The following PPCDC variants were observed in gnomAD, a reference collection of about 807,000 sequenced individuals.
PPCDC encodes phosphopantothenoylcysteine decarboxylase.
A neutral mutation model predicts 20.7 loss-of-function variants in PPCDC; 20 were observed. That is an observed-to-expected ratio of 0.97 (90% CI 0.68 to 1.41). The LOEUF (loss-of-function observed/expected upper bound fraction) is 1.41, where lower values mean the gene tolerates loss of function less well. PPCDC is among the 40% of genes most tolerant of loss of function. PPCDC has a pLI of 0.00. For synonymous variants in PPCDC, 88 were observed against 100.3 expected (o/e 0.88, Z 0.73); for missense variants, 246 against 263.8 (o/e 0.93, Z 0.47).
Position 75,030,578 on chromosome 15 carries a change from G to T in PPCDC, c.135+2125G>T, listed in dbSNP as rs187924355. Among the ~76,000 whole-genome samples the T allele has an allele frequency of 2.2e-4, 33 of 152,292 alleles. No homozygotes were observed. In the East Asian group the frequency reaches 5.0e-3, roughly 23 times the overall value. ...CCTGGATTGCCTTGTGTTGGCCCCA[G>T]TGGTGGCGTCTATCCCTGCACACTC... On this transcript the variant is annotated intron_variant, in intron 2 of 5. Coordinates refer to ENST00000342932, the MANE Select transcript of PPCDC (RefSeq NM_021823.5).
At chr15:75,035,079 A>C (rs537950141) in intron 2 of PPCDC, among the ~76,000 whole-genome samples, 1 of 152,256 alleles carries the variant, frequency 6.6e-6, no homozygotes, top group South Asian at 2.1e-4. Flanking sequence ...GTCACACCTC[A>C]GATGCTCAGT....
chr15:75,029,540 T>A (rs2065996632), intron 2 of PPCDC, among the ~76,000 whole-genome samples: 1 of 152,080 alleles, frequency 6.6e-6, no homozygotes, highest in African/African-American at 2.4e-5. Flanking sequence ...TTTTTTACTT[T>A]CCACCAACTT....
intron 2 of PPCDC, among the ~76,000 whole-genome samples, chr15:75,030,695 C>G (rs933807633): frequency 2.0e-5 from 3 of 152,208 alleles, no homozygotes; most frequent in Non-Finnish European, 2.9e-5. Context: ...TCACTTTCAG[C>G]TCTTCACCTG....
At chr15:75,044,612 C>A in intron 4 of PPCDC, 98 bp downstream of exon 4, 2 of 1,464,840 alleles carry the variant, frequency 1.4e-6, no homozygotes, top group Non-Finnish European at 1.8e-6. Context: ...TGCTGTGGGG[C>A]CCCGGTCTGC....
intron 1 of PPCDC, among the ~76,000 whole-genome samples, chr15:75,025,831 A>G (rs2065953431): frequency 6.6e-6 from 1 of 152,256 alleles, no homozygotes; most frequent in African/African-American, 2.4e-5. Context: ...GAATCCTGCC[A>G]GCCATCACCC....
chr15:75,049,105 C>T (rs1421309011), intron 5 of PPCDC, 45 bp from the exon 6 acceptor site: 6 of 1,543,902 alleles, frequency 3.9e-6, no homozygotes, highest in East Asian at 2.2e-5. Flanking sequence ...TGCAGGGCTA[C>T]AGGCACTGTT....
At chr15:75,032,734 C>CCCCT (rs1555413326) in intron 2 of PPCDC, among the ~76,000 whole-genome samples, 1 of 110,670 alleles carries the variant, frequency 9.0e-6, no homozygotes, top group Non-Finnish European at 1.7e-5. Context: ...ACCCCCCCCC[C>CCCCT]CAAGGCCAAA....
At chr15:75,026,797 T>C (rs1411196991) in intron 1 of PPCDC, among the ~76,000 whole-genome samples, 1 of 152,172 alleles carries the variant, frequency 6.6e-6, no homozygotes, top group Admixed American at 6.5e-5. Context: ...CTTTCATGTA[T>C]TGACTCAAAG....
In PPCDC at chr15:75,037,318, A is replaced by G. The variant is rs188237631; in HGVS notation, c.136-6123A>G. On this transcript the variant is annotated intron_variant, in intron 2 of 5. Coordinates refer to ENST00000342932, the MANE Select transcript of PPCDC (RefSeq NM_021823.5). ...CAGAGATGAAGGAAGAATGTGGTCCAGAGCCCCCCAGGGTGAGCTGAAGCT... is the reference window on the plus strand; with the variant it reads ...CAGAGATGAAGGAAGAATGTGGTCCGGAGCCCCCCAGGGTGAGCTGAAGCT... Among the ~76,000 whole-genome samples, 4 of 152,344 alleles carry G rather than the reference A, an allele frequency of 2.6e-5. No homozygotes were observed. The East Asian group carries it at 7.7e-4, about 29-fold the overall frequency.
intron 2 of PPCDC, among the ~76,000 whole-genome samples, chr15:75,032,202 C>T (rs546654483): frequency 1.3e-5 from 2 of 152,288 alleles, no homozygotes; most frequent in African/African-American, 4.8e-5. Flanking sequence ...ATCGCCCTAG[C>T]TTTTGCCAGG....
chr15:75,034,167 C>T (rs1595902546), intron 2 of PPCDC, among the ~76,000 whole-genome samples: 1 of 152,234 alleles, frequency 6.6e-6, no homozygotes, highest in African/African-American at 2.4e-5. Flanking sequence ...CACGGCCTTC[C>T]AGGGAGTGAG....
Position 75,029,853 on chromosome 15 carries a change from G to T in PPCDC, c.135+1400G>T, listed in dbSNP as rs370420978. ...ATAGCCCCAGGGCAAGTGAGTTTCC[G>T]GACTAGGGGTGGATAGGGGCGGGGA... On this transcript the variant is annotated intron_variant, in intron 2 of 5. Coordinates refer to ENST00000342932, the MANE Select transcript of PPCDC (RefSeq NM_021823.5). Among the ~76,000 whole-genome samples the T allele has an allele frequency of 2.6e-5, 4 of 152,292 alleles. No individual in the cohort carries two copies. In the East Asian group the frequency reaches 7.7e-4, roughly 29 times the overall value.
chr15:75,048,999 G>A (rs2066278189), intron 5 of PPCDC, 151 bp from the exon 6 acceptor site: 4 of 813,386 alleles, frequency 4.9e-6, no homozygotes, highest in Non-Finnish European at 7.9e-6. Flanking sequence ...CAGGGGTCTT[G>A]GGAGAGATCT....
rs535445827 is a variant in PPCDC, at chr15:75,050,694, T to G, written c.*1459T>G. The G allele has an allele frequency of 2.0e-5, 3 of 152,328 alleles. No individual in the cohort carries two copies. The South Asian group carries it at 6.2e-4, about 32-fold the overall frequency. The allele number at this position is 152,328 out of a possible 1,614,324, so 9.4% of individuals were successfully genotyped here. A position where few individuals can be genotyped will look rare whatever the true frequency, so the allele number is the denominator to read the frequency against. ...GTGACCCTTTGGGATAAAATTGCCT[T>G]AGGGTATGAAATAAACTATAACTAA... is the stretch of plus-strand genomic sequence containing the variant. On this transcript the variant is annotated 3_prime_UTR_variant, in exon 6 of 6. Coordinates refer to ENST00000342932, the MANE Select transcript of PPCDC (RefSeq NM_021823.5).
intron 1 of PPCDC, 177 bp from the exon 2 acceptor site, chr15:75,028,070 G>A (rs1411797829): frequency 7.8e-6 from 4 of 510,490 alleles, no homozygotes; most frequent in Non-Finnish European, 1.4e-5. Flanking sequence ...ATTCCCTTGT[G>A]ACTGGCCCAT....
At chr15:75,039,115 T>C (rs2066121333) in intron 2 of PPCDC, among the ~76,000 whole-genome samples, 1 of 152,222 alleles carries the variant, frequency 6.6e-6, no homozygotes, top group African/African-American at 2.4e-5. Context: ...TCCTCAGATA[T>C]CTGATACTCC....
intron 2 of PPCDC, among the ~76,000 whole-genome samples, chr15:75,038,681 C>A (rs1309589095): frequency 1.3e-5 from 2 of 152,152 alleles, no homozygotes; most frequent in Non-Finnish European, 2.9e-5. Context: ...CTTCTCCGAC[C>A]CCTGGAGGCA....
At chr15:75,037,241 C>T (rs990087145) in intron 2 of PPCDC, among the ~76,000 whole-genome samples, 1 of 152,096 alleles carries the variant, frequency 6.6e-6, no homozygotes, top group African/African-American at 2.4e-5. Flanking sequence ...CTACCTGAAG[C>T]CTTCTGTTGA....
rs576581946 is a variant in PPCDC, at chr15:75,026,752, CCTT to C, written c.-72-1492_-72-1490del. ...TCTTTTTTGAGTGCATCTTCTAGGA[CCTT>C]CTGTCTTGGAAGGAGAGCCCCTTAC... On this transcript the variant is annotated intron_variant, in intron 1 of 5. Transcript: ENST00000342932. Among the ~76,000 whole-genome samples, 19 of 152,286 alleles carry C rather than the reference CCTT, an allele frequency of 1.2e-4. 1 individual carries two copies. In the South Asian group the frequency reaches 3.7e-3, roughly 30 times the overall value.
Sources: allele counts gnomAD v4.1 joint callset (sites outside exome capture counted in the v4.1 genomes callset), GRCh38; gene constraint gnomAD v4.1.1; transcripts MANE v1.5; gene names NCBI Gene and HGNC (gene_info 2026-07-23, HGNC 2026-07-21).